The following HORMAD1 variants were observed in gnomAD, a reference collection of about 807,000 sequenced individuals.
HORMAD1 encodes the protein HORMA domain containing 1, also known as HORMA domain-containing protein 1.
A neutral mutation model predicts 58.2 loss-of-function variants in HORMAD1; 33 were observed. The ratio of observed to expected loss-of-function variants is 0.57; its 90% CI spans 0.43 to 0.76. HORMAD1 has a LOEUF of 0.76. Ranked by LOEUF, HORMAD1 falls within the 30% of genes least tolerant of loss-of-function variation. The pLI, the probability that HORMAD1 is intolerant of heterozygous loss-of-function variation, is 0.00. For missense variants in HORMAD1, 363 were observed against 462.0 expected, an observed-to-expected ratio of 0.79 and a Z score of 1.96; for synonymous variants, 137 against 144.6, an observed-to-expected ratio of 0.95 and a Z score of 0.38.
intron 5 of HORMAD1, among the ~76,000 whole-genome samples, chr1:150,713,360 T>A (rs1369580975): frequency 1.3e-5 from 2 of 152,120 alleles, no homozygotes; most frequent in Non-Finnish European, 2.9e-5. Context: ...GCCTAACACA[T>A]AACGGGCGCT....
At chr1:150,706,877 A>C in intron 9 of HORMAD1, 68 bp from the exon 10 acceptor site, 7 of 1,319,286 alleles carry the variant, frequency 5.3e-6, no homozygotes, top group Non-Finnish European at 7.2e-6. Context: ...TATTATAAAA[A>C]CACACGCAGA....
chr1:150,714,134 T>A lies in HORMAD1; in HGVS notation c.243-13A>T. On this transcript the variant is annotated splice_polypyrimidine_tract_variant and intron_variant, in intron 4 of 14. Transcript: ENST00000361824. ...ACATCCTAGCATCCTAAAAAAAAAA[T>A]CAAGGATTCATTTTTAGACTGAATG... 4 of 1,469,198 alleles carry A rather than the reference T, an allele frequency of 2.7e-6. No homozygotes were observed. In the South Asian group the frequency reaches 4.9e-5, roughly 18 times the overall value. The allele number at this position is 1,469,198 out of a possible 1,614,324, so 91.0% of individuals were successfully genotyped here.
intron 7 of HORMAD1, among the ~76,000 whole-genome samples, chr1:150,709,238 A>G (rs1651786599): frequency 6.6e-6 from 1 of 152,168 alleles, no homozygotes; most frequent in Non-Finnish European, 1.5e-5. Context: ...GTAGAAAGGG[A>G]AGACATAAGA....
intron 7 of HORMAD1, among the ~76,000 whole-genome samples, chr1:150,710,205 A>AC (rs1433425045): frequency 6.6e-6 from 1 of 151,864 alleles, no homozygotes. Flanking sequence ...GGGGCAGGCC[A>AC]CCCCTTCAGT....
intron 7 of HORMAD1, among the ~76,000 whole-genome samples, chr1:150,710,525 G>GA (rs1246578026): frequency 6.6e-6 from 1 of 152,026 alleles, no homozygotes; most frequent in Non-Finnish European, 1.5e-5. Flanking sequence ...TTTACTGATA[G>GA]AAAAAATGCA....
chr1:150,698,281 AG>A lies in HORMAD1; in HGVS notation c.*372del, dbSNP rs1373625592. 2 of 154,464 alleles carry A rather than the reference AG, an allele frequency of 1.3e-5. No homozygotes were observed. Among genetic ancestry groups the A allele is most frequent in the Non-Finnish European group, 2.9e-5 (2 of 69,660 alleles). 9.6% of individuals were successfully genotyped at this position (154,464 alleles called of 1,614,324 possible). ...AGTTAAATGGTATAATTTTAACATA[AG>A]TAAAAAGTGAATCCATACCAAATTT... On this transcript the variant is annotated 3_prime_UTR_variant, in exon 15 of 15. Coordinates refer to ENST00000361824, the MANE Select transcript of HORMAD1 (RefSeq NM_032132.5).
chr1:150,710,844 A>G (rs1651854014), intron 7 of HORMAD1, among the ~76,000 whole-genome samples: 1 of 152,228 alleles, frequency 6.6e-6, no homozygotes. Context: ...TAACAGCTAT[A>G]GCGTAATGGG....
intron 10 of HORMAD1, among the ~76,000 whole-genome samples, chr1:150,705,879 A>G (rs587610877): frequency 6.6e-6 from 1 of 152,364 alleles, no homozygotes; most frequent in Admixed American, 6.5e-5. Flanking sequence ...AAATTGAGAC[A>G]CAGAATACAA....
At position 150,708,979 on chromosome 1, in the gene HORMAD1, G is replaced by A. The variant is rs763370051; in HGVS notation, c.328-18C>T. The A allele has an allele frequency of 8.2e-6, 10 of 1,221,840 alleles. No individual in the cohort carries two copies. The highest frequency in any genetic ancestry group is 5.1e-5 in the Admixed American group (3 of 59,152). The allele number at this position is 1,221,840 out of a possible 1,614,324, so 75.7% of individuals were successfully genotyped here. ...GAAATTGTCTTAAATAGAAAATATC[G>A]CAGTTATGCTTCTGATATTCAGTAC... is the stretch of plus-strand genomic sequence containing the variant. On this transcript the variant is annotated intron_variant, in intron 7 of 14. Transcript: ENST00000361824.
intron 9 of HORMAD1, among the ~76,000 whole-genome samples, chr1:150,707,176 T>C (rs1227862074): frequency 4.6e-5 from 7 of 152,188 alleles, no homozygotes; most frequent in Admixed American, 4.6e-4. Flanking sequence ...ATGTTAGTTG[T>C]TATTTTTGTT....
intron 9 of HORMAD1, among the ~76,000 whole-genome samples, chr1:150,707,805 G>A (rs977021371): frequency 6.6e-6 from 1 of 152,084 alleles, no homozygotes; most frequent in African/African-American, 2.4e-5. Context: ...GCATGGTGGC[G>A]AGTGCCTGTA....
Position 150,714,131 on chromosome 1 carries a change from A to C in HORMAD1, c.243-10T>G. 1.3e-6 allele frequency: 2 copies of C among 1,495,882 alleles called. No homozygotes were observed. Among genetic ancestry groups the C allele is most frequent in the Non-Finnish European group, 1.8e-6 (2 of 1,090,314 alleles). 92.7% of individuals were successfully genotyped at this position (1,495,882 alleles called of 1,614,324 possible). A position where few individuals can be genotyped will look rare whatever the true frequency, so the allele number is the denominator to read the frequency against. ...ATAACATCCTAGCATCCTAAAAAAAAAATCAAGGATTCATTTTTAGACTGA... is the reference window on the plus strand; with the variant it reads ...ATAACATCCTAGCATCCTAAAAAAACAATCAAGGATTCATTTTTAGACTGA... On this transcript the variant is annotated splice_polypyrimidine_tract_variant and intron_variant, in intron 4 of 14. Transcript: ENST00000361824.
chr1:150,709,654 T>C (rs905135560), intron 7 of HORMAD1, among the ~76,000 whole-genome samples: 45 of 151,014 alleles, frequency 3.0e-4, no homozygotes, highest in Non-Finnish European at 4.3e-4. Flanking sequence ...TGTGCTGAGG[T>C]GGATTAGTAA....
intron 14 of HORMAD1, among the ~76,000 whole-genome samples, chr1:150,699,690 A>C (rs1328354559): frequency 9.5e-6 from 1 of 105,408 alleles, no homozygotes. Flanking sequence ...ACGCCCAGCT[A>C]TTTTTTTTTT....
At chr1:150,708,202 C>T (rs1251325533) in intron 9 of HORMAD1, 54 bp downstream of exon 9, 4 of 1,336,972 alleles carry the variant, frequency 3.0e-6, no homozygotes, top group East Asian at 2.6e-5. Context: ...CCAATTGTTT[C>T]AATAATGATA....
At chr1:150,702,996 C>T (rs1571066867) in intron 13 of HORMAD1, among the ~76,000 whole-genome samples, 1 of 152,086 alleles carries the variant, frequency 6.6e-6, no homozygotes, top group East Asian at 1.9e-4. Flanking sequence ...TCACTTCTTC[C>T]CAAAACCTTT....
intron 14 of HORMAD1, chr1:150,698,974 G>A (rs1206796244): frequency 4.1e-5 from 13 of 320,498 alleles, no homozygotes; most frequent in Non-Finnish European, 7.5e-5. Context: ...TGCTCTAGAA[G>A]TGAGAAGATA....
chr1:150,719,515 ATAAAG>A lies in HORMAD1; in HGVS notation c.-15_-11del, dbSNP rs1652180387. 6 of 1,578,406 alleles carry A rather than the reference ATAAAG, an allele frequency of 3.8e-6. No homozygotes were observed. The South Asian group carries it at 7.0e-5, about 18-fold the overall frequency. ...ACTGGGCAGTGGCCATCTTCTTCTGATAAAGTATTTTCTTTAATTCAACCTTGTGA... is the reference window on the plus strand; with the variant it reads ...ACTGGGCAGTGGCCATCTTCTTCTGATATTTTCTTTAATTCAACCTTGTGA... On this transcript the variant is annotated 5_prime_UTR_variant, in exon 2 of 15. Transcript: ENST00000361824.
At chr1:150,712,549 T>G (rs986920995) in intron 5 of HORMAD1, among the ~76,000 whole-genome samples, 3 of 152,164 alleles carry the variant, frequency 2.0e-5, no homozygotes, top group Non-Finnish European at 4.4e-5. Flanking sequence ...GCAAAGTGAT[T>G]TAAAACAATT....
Sources: allele counts gnomAD v4.1 joint callset (sites outside exome capture counted in the v4.1 genomes callset), GRCh38; gene constraint gnomAD v4.1.1; transcripts MANE v1.5; gene names NCBI Gene and HGNC (gene_info 2026-07-23, HGNC 2026-07-21).